Variants in MCTP1 observed in about 807,000 individuals in gnomAD.
The protein encoded by MCTP1 is multiple C2 and transmembrane domain containing 1.
A neutral mutation model predicts 120.6 loss-of-function variants in MCTP1; 69 were observed. The ratio of observed to expected loss-of-function variants is 0.57; its 90% CI spans 0.47 to 0.70. MCTP1 has a LOEUF of 0.70. Among genes scored for constraint, MCTP1 ranks in the 30% least tolerant of loss-of-function variants. The probability of loss-of-function intolerance (pLI) is 0.00; values close to 1 mark genes in which losing one functional copy is unlikely to be tolerated. For synonymous variants in MCTP1, 529 were observed against 493.1 expected (o/e 1.07, Z -0.96); for missense variants, 1,203 against 1,248.8 (o/e 0.96, Z 0.55).
chr5:94,757,212 T>A (rs989752983), intron 19 of MCTP1, among the ~76,000 whole-genome samples: 5 of 152,164 alleles, frequency 3.3e-5, no homozygotes, highest in African/African-American at 1.2e-4. Flanking sequence ...TTACTCTGTG[T>A]TCTGAAGGGG....
At chr5:95,098,082 C>G (rs1290317276) in intron 1 of MCTP1, among the ~76,000 whole-genome samples, 1 of 152,024 alleles carries the variant, frequency 6.6e-6, no homozygotes, top group South Asian at 2.1e-4. Flanking sequence ...TACTTAAGTT[C>G]CTGTTTCATA....
At chr5:95,110,603 T>A (rs1377147630) in intron 1 of MCTP1, among the ~76,000 whole-genome samples, 2 of 152,168 alleles carry the variant, frequency 1.3e-5, no homozygotes, top group Non-Finnish European at 2.9e-5. Flanking sequence ...AAAACCTAAC[T>A]AACACATTGA....
chr5:94,943,671 G>A (rs75665933), intron 3 of MCTP1, among the ~76,000 whole-genome samples: 1,539 of 152,070 alleles, frequency 0.01, 31 homozygotes, highest in African/African-American at 0.036. Flanking sequence ...AAACAAGGAA[G>A]CACATAGATG....
At chr5:95,140,350 G>A (rs186220938) in intron 1 of MCTP1, among the ~76,000 whole-genome samples, 1 of 152,246 alleles carries the variant, frequency 6.6e-6, no homozygotes, top group African/African-American at 2.4e-5. Flanking sequence ...GGGAAAAAAT[G>A]CACACAATTG....
At chr5:94,844,697 T>A (rs896202177) in intron 17 of MCTP1, among the ~76,000 whole-genome samples, 5 of 152,204 alleles carry the variant, frequency 3.3e-5, no homozygotes, top group African/African-American at 1.2e-4. Context: ...GGAACACTTT[T>A]CTGAACCTCT....
intron 12 of MCTP1, among the ~76,000 whole-genome samples, chr5:94,885,400 TAGAACTTGAA>T (rs897201656): frequency 3.9e-5 from 6 of 151,900 alleles, no homozygotes; most frequent in African/African-American, 1.5e-4. Context: ...CTTCTCCTCT[TAGAACTTGAA>T]AGAACCAATA....
At position 95,216,411 on chromosome 5, in the gene MCTP1, T is replaced by C. The variant is rs371993527; in HGVS notation, c.720+67445A>G. On this transcript the variant is annotated intron_variant, in intron 1 of 22. Coordinates refer to ENST00000515393, the MANE Select transcript of MCTP1 (RefSeq NM_024717.7). ...CCTTTCCAGAGAATTACTAAGAAAC[T>C]ACTCTATCCTGTAGGTTGTCCATTT... Among the ~76,000 whole-genome samples the C allele has an allele frequency of 3.2e-4, 49 of 152,324 alleles. 1 individual carries two copies. The South Asian group carries it at 7.9e-3, about 24-fold the overall frequency.
At chr5:94,708,858 A>G in intron 21 of MCTP1, 1 of 325,564 alleles carries the variant, frequency 3.1e-6, no homozygotes. Context: ...GGGGTTAATT[A>G]GCAATATCTT....
intron 19 of MCTP1, among the ~76,000 whole-genome samples, chr5:94,733,701 C>T (rs1763576224): frequency 6.6e-6 from 1 of 152,176 alleles, no homozygotes. Context: ...ACCAGTGGCT[C>T]ATGCCTGTAA....
chr5:94,799,932 T>C (rs1780852451), intron 17 of MCTP1, among the ~76,000 whole-genome samples: 1 of 152,174 alleles, frequency 6.6e-6, no homozygotes, highest in Non-Finnish European at 1.5e-5. Context: ...ACCAGCCTTG[T>C]AATCCTGGAC....
At chr5:94,745,462 T>A (rs909901072) in intron 19 of MCTP1, among the ~76,000 whole-genome samples, 1 of 152,214 alleles carries the variant, frequency 6.6e-6, no homozygotes, top group East Asian at 1.9e-4. Flanking sequence ...TTTCACTTTG[T>A]CTCTTTTTGT....
rs143226045 is a variant in MCTP1 at position 95,060,967 on chromosome 5, A to G, written c.721-43483T>C. On this transcript the variant is annotated intron_variant, in intron 1 of 22. Coordinates refer to ENST00000515393, the MANE Select transcript of MCTP1 (RefSeq NM_024717.7). Reference sequence around the variant, plus strand: ...AAAAAAAAAAAAAGAAAAGAAAAGAAAAGAAAATAATGAAGAATCTGTCCT... The same window carrying G: ...AAAAAAAAAAAAAGAAAAGAAAAGAGAAGAAAATAATGAAGAATCTGTCCT... Among the ~76,000 whole-genome samples, 6 of 151,376 alleles carry G rather than the reference A, an allele frequency of 4.0e-5. No individual in the cohort carries two copies. In the East Asian group the frequency reaches 1.2e-3, roughly 29 times the overall value.
At chr5:95,216,628 C>CT (rs1352817825) in intron 1 of MCTP1, among the ~76,000 whole-genome samples, 1 of 147,448 alleles carries the variant, frequency 6.8e-6, no homozygotes, top group Admixed American at 6.8e-5. Flanking sequence ...TCACAGCACT[C>CT]TAAGAAGTAG....
At chr5:95,205,717 G>C (rs1276061496) in intron 1 of MCTP1, among the ~76,000 whole-genome samples, 1 of 152,002 alleles carries the variant, frequency 6.6e-6, no homozygotes, top group Non-Finnish European at 1.5e-5. Flanking sequence ...TTTAAAAATG[G>C]GCAAAGGATA....
At chr5:94,710,793 G>T in intron 21 of MCTP1, 25 bp downstream of exon 21, 1 of 1,470,658 alleles carries the variant, frequency 6.8e-7, no homozygotes, top group South Asian at 1.1e-5. Flanking sequence ...AGACAGTTTG[G>T]GGGAGTGGGG....
intron 1 of MCTP1, among the ~76,000 whole-genome samples, chr5:95,153,533 C>T (rs560174660): frequency 5.5e-4 from 84 of 152,300 alleles, no homozygotes; most frequent in East Asian, 1.3e-3. Flanking sequence ...GAACATGGTC[C>T]TGACAGTTTT....
In MCTP1 at chr5:94,846,764, G is replaced by C. The variant is rs181266141; in HGVS notation, c.2436+21569C>G. ...TTGAGGGGCAGACACTGCATTCTCT[G>C]TGTGTGTCTCTGGTATGTGTGTGTC... On this transcript the variant is annotated intron_variant, in intron 17 of 22. Coordinates refer to ENST00000515393, the MANE Select transcript of MCTP1 (RefSeq NM_024717.7). Among the ~76,000 whole-genome samples the C allele has an allele frequency of 2.0e-5, 3 of 152,046 alleles. No homozygotes were observed. The East Asian group carries it at 5.8e-4, about 29-fold the overall frequency.
chr5:95,206,420 G>A (rs1751622959), intron 1 of MCTP1, among the ~76,000 whole-genome samples: 2 of 152,142 alleles, frequency 1.3e-5, no homozygotes, highest in Admixed American at 6.5e-5. Context: ...TGAGTGAATT[G>A]TATAGTATGT....
At chr5:94,892,344 T>C (rs1324482996) in intron 11 of MCTP1, among the ~76,000 whole-genome samples, 2 of 152,174 alleles carry the variant, frequency 1.3e-5, no homozygotes, top group African/African-American at 4.8e-5. Context: ...ATAATAAAAA[T>C]GGAATGCTAA....
Sources: gnomAD v4.1 joint callset for allele counts (sites outside exome capture counted in the v4.1 genomes callset) on GRCh38, gnomAD v4.1.1 for gene constraint, MANE v1.5 for transcripts, NCBI Gene and HGNC (gene_info 2026-07-23, HGNC 2026-07-21) for gene names.